CD300LG: variants seen among roughly 807,000 people sequenced by gnomAD.
CD300LG encodes the protein CMRF35-like molecule 9.
Under a neutral mutation model 31.5 loss-of-function variants are expected in CD300LG, and 29 were observed. That is an observed-to-expected ratio of 0.92 (90% CI 0.68 to 1.25). The LOEUF (loss-of-function observed/expected upper bound fraction) is 1.25. Ranked by LOEUF, CD300LG falls within the 50% of genes most tolerant of loss-of-function variation. The pLI, the probability that CD300LG is intolerant of heterozygous loss-of-function variation, is 0.00. For synonymous variants in CD300LG, 175 were observed against 177.2 expected (o/e 0.99, Z 0.10); for missense variants, 396 against 417.6 (o/e 0.95, Z 0.45).
intron 6 of CD300LG, chr17:43,861,132 A>G: frequency 2.0e-6 from 2 of 985,366 alleles, no homozygotes; most frequent in Non-Finnish European, 2.4e-6. Context: ...TCTCTGTTAC[A>G]GCCACTGGGG....
At position 43,861,055 on chromosome 17, in the gene CD300LG, A is replaced by T. The variant is rs1025084395; in HGVS notation, c.886-743A>T. The T allele has an allele frequency of 3.1e-6, 3 of 981,032 alleles. No individual in the cohort carries two copies. The Admixed American group carries it at 1.9e-4, about 61-fold the overall frequency. 60.8% of individuals were successfully genotyped at this position (981,032 alleles called of 1,614,324 possible). On this transcript the variant is annotated intron_variant, in intron 6 of 6. Transcript: ENST00000317310. ...TGCCCACCCCTCCCACGTTTCCCTC[A>T]TCTTGCTTGGGCTTGGCTGGGCTAG...
At position 43,853,975 on chromosome 17, in the gene CD300LG, C is replaced by T. The variant is rs781576192; in HGVS notation, c.650C>T (p.Pro217Leu). 6.2e-6 allele frequency: 10 copies of T among 1,614,082 alleles called. No homozygotes were observed. The East Asian group carries it at 1.8e-4, about 29-fold the overall frequency. The change falls in exon 4 of 7, where the codon CCC becomes CTC. Residue 217 changes from proline (P) to leucine (L), a missense_variant. Coordinates refer to ENST00000317310, the MANE Select transcript of CD300LG (RefSeq NM_145273.4). Reference protein sequence around the residue: ...TSPPAGSSRPPMQLDSTSAED... With the variant: ...TSPPAGSSRPLMQLDSTSAED... ...CCTCCTGCAGGGAGCTCCCGCCCCC[C>T]CATGCAGCTGGACTCCACCTCAGCA...
chr17:43,847,310 C>A, intron 1 of CD300LG, 51 bp downstream of exon 1: 1 of 1,583,662 alleles, frequency 6.3e-7, no homozygotes, highest in South Asian at 1.1e-5. Context: ...CCCTTGTGGT[C>A]TGCAGGGAAA....
chr17:43,853,119 T>G, intron 3 of CD300LG, 106 bp downstream of exon 3: 1 of 913,602 alleles, frequency 1.1e-6, no homozygotes, highest in Non-Finnish European at 1.7e-6. Context: ...CACCTAGGTG[T>G]CCCCACAAGC....
chr17:43,859,997 A>G (rs1314511069), intron 6 of CD300LG, among the ~76,000 whole-genome samples: 1 of 152,122 alleles, frequency 6.6e-6, no homozygotes, highest in Non-Finnish European at 1.5e-5. Flanking sequence ...CAGCCTCCCA[A>G]AGTGTTGGGA....
At chr17:43,852,157 C>T (rs977767192) in intron 2 of CD300LG, among the ~76,000 whole-genome samples, 3 of 150,782 alleles carry the variant, frequency 2.0e-5, no homozygotes, top group East Asian at 3.9e-4. Context: ...GAGAAAGAGG[C>T]GAAGCTGACA....
Position 43,863,627 on chromosome 17 carries a change from A to G in CD300LG, c.*1716A>G, listed in dbSNP as rs1315406729. ...TATAAATAAAATGTTCATCAGCTGC[A>G]TATTCCATCCTATCAGTGTGTCTCA... On this transcript the variant is annotated 3_prime_UTR_variant, in exon 7 of 7. Coordinates refer to ENST00000317310, the MANE Select transcript of CD300LG (RefSeq NM_145273.4). The G allele has an allele frequency of 6.6e-6, 1 of 152,162 alleles. No individual in the cohort carries two copies. Among genetic ancestry groups the G allele is most frequent in the African/African-American group, 2.4e-5 (1 of 41,422 alleles). The allele number at this position is 152,162 out of a possible 1,614,324, so 9.4% of individuals were successfully genotyped here.
intron 6 of CD300LG, chr17:43,857,528 C>T (rs145041190): frequency 2.0e-6 from 3 of 1,480,066 alleles, no homozygotes; most frequent in South Asian, 2.4e-5. Flanking sequence ...ACTTTTCTCT[C>T]AGTTTGAAGC....
chr17:43,858,259 GC>G, intron 6 of CD300LG: 5 of 1,054,936 alleles, frequency 4.7e-6, no homozygotes, highest in Non-Finnish European at 5.7e-6. Flanking sequence ...GCCAAAGGTA[GC>G]AGAGGAGAGT....
At chr17:43,859,358 T>C (rs112502524) in intron 6 of CD300LG, among the ~76,000 whole-genome samples, 2,284 of 152,330 alleles carry the variant, frequency 0.015, 31 homozygotes, top group South Asian at 0.026. Context: ...AGAGCTCTGA[T>C]ATATATCTTG....
rs570634127 is a variant in CD300LG at position 43,847,655 on chromosome 17, T to C, written c.43+396T>C. Among the ~76,000 whole-genome samples, 3 of 152,332 alleles carry C rather than the reference T, an allele frequency of 2.0e-5. No individual in the cohort carries two copies. In the South Asian group the frequency reaches 6.2e-4, roughly 32 times the overall value. The stretch of plus-strand genomic sequence containing the variant: ...CCCCACAACCCTGAAAGATGAAGAA[T>C]TATCACGTTTCATCAATTCTTTTGC... On this transcript the variant is annotated intron_variant, in intron 1 of 6. Coordinates refer to ENST00000317310, the MANE Select transcript of CD300LG (RefSeq NM_145273.4).
At position 43,851,711 on chromosome 17, in the gene CD300LG, C is replaced by T. The variant is rs538946360; in HGVS notation, c.380-1201C>T. Among the ~76,000 whole-genome samples, 37 of 143,294 alleles carry T rather than the reference C, an allele frequency of 2.6e-4. No individual in the cohort carries two copies. The South Asian group carries it at 3.3e-3, about 13-fold the overall frequency. The allele number at this position is 143,294 out of a possible 152,430, so 94.0% of individuals were successfully genotyped here. A position where few individuals can be genotyped will look rare whatever the true frequency, so the allele number is the denominator to read the frequency against. On this transcript the variant is annotated intron_variant, in intron 2 of 6. Transcript: ENST00000317310. ...TCGCCCAGGCTGGAGTGCAGTGGCG[C>T]GATCTCGGCTAATTTTTTGTATTTT...
chr17:43,857,579 G>C (rs931095608), intron 6 of CD300LG: 108 of 1,251,630 alleles, frequency 8.6e-5, no homozygotes, highest in Non-Finnish European at 1.2e-4. Context: ...GGAGCTGTTA[G>C]AGATGCACTC....
chr17:43,852,721 G>A (rs1028944775), intron 2 of CD300LG, among the ~76,000 whole-genome samples, 191 bp from the exon 3 acceptor site: 1 of 152,228 alleles, frequency 6.6e-6, no homozygotes, highest in African/African-American at 2.4e-5. Flanking sequence ...TAGGCGCGAG[G>A]CCAGGGGGCT....
chr17:43,855,611 C>A, intron 5 of CD300LG: 1 of 245,954 alleles, frequency 4.1e-6, no homozygotes, highest in East Asian at 8.5e-5. Context: ...TCATTGCCAG[C>A]TCCTTGTGTG....
chr17:43,852,639 C>G (rs2046391869), intron 2 of CD300LG, among the ~76,000 whole-genome samples: 1 of 152,200 alleles, frequency 6.6e-6, no homozygotes, highest in Non-Finnish European at 1.5e-5. Context: ...ACTTTTGAGA[C>G]AAAACTGGAG....
Position 43,847,222 on chromosome 17 carries a change from G to C in CD300LG, c.6G>C (p.Arg2=), listed in dbSNP as rs1332758970. 6.2e-7 allele frequency: 1 copy of C among 1,613,928 alleles called. No homozygotes were observed. The highest frequency in any genetic ancestry group is 8.5e-7 in the Non-Finnish European group (1 of 1,179,908). ...CACGGTGTCCAGCGCCCAGAATGCGGCTTCTGGTCCTGCTATGGGGTTGCC... is the reference window on the plus strand; with the variant it reads ...CACGGTGTCCAGCGCCCAGAATGCGCCTTCTGGTCCTGCTATGGGGTTGCC... M[R]LLVLLWGCLL... is the part of the protein sequence containing the mutation. The change falls in exon 1 of 7, where the codon CGG becomes CGC. Residue 2 remains arginine (R), a synonymous_variant. Transcript: ENST00000317310.
chr17:43,857,946 T>C (rs2046572444), intron 6 of CD300LG: 1 of 1,530,906 alleles, frequency 6.5e-7, no homozygotes, highest in Admixed American at 2.0e-5. Context: ...GCCCCAAGGC[T>C]ACTGCTGCAA....
intron 6 of CD300LG, chr17:43,860,987 A>G (rs1015975773): frequency 1.5e-5 from 7 of 458,224 alleles, no homozygotes; most frequent in African/African-American, 2.1e-5. Flanking sequence ...TGGCAGAGGC[A>G]TCCAGGAGCT....
Sources: allele counts gnomAD v4.1 joint callset (sites outside exome capture counted in the v4.1 genomes callset), GRCh38; gene constraint gnomAD v4.1.1; transcripts MANE v1.5; gene names NCBI Gene and HGNC (gene_info 2026-07-23, HGNC 2026-07-21).